STK17A: variants seen among roughly 807,000 people sequenced by gnomAD.
The protein encoded by STK17A is serine/threonine-protein kinase 17A.
A neutral mutation model predicts 43.7 loss-of-function variants in STK17A; 26 were observed. The ratio of observed to expected loss-of-function variants is 0.60; its 90% CI spans 0.44 to 0.83. The LOEUF (loss-of-function observed/expected upper bound fraction) is 0.83, where lower values mean the gene tolerates loss of function less well. Among genes scored for constraint, STK17A ranks in the 40% least tolerant of loss-of-function variants. STK17A has a pLI of 0.00. For synonymous variants in STK17A, 191 were observed against 182.5 expected (o/e 1.05, Z -0.38); for missense variants, 476 against 511.6 (o/e 0.93, Z 0.67).
intron 1 of STK17A, among the ~76,000 whole-genome samples, chr7:43,594,171 T>C (rs1319960215): frequency 6.6e-6 from 1 of 151,586 alleles, no homozygotes; most frequent in Non-Finnish European, 1.5e-5. Context: ...GGTGGGAGGA[T>C]CACTTGAGCC....
chr7:43,584,087 T>C (rs907552285), intron 1 of STK17A, among the ~76,000 whole-genome samples: 10 of 152,172 alleles, frequency 6.6e-5, no homozygotes, highest in Admixed American at 6.5e-4. Flanking sequence ...TGGGAACCGA[T>C]TCTTGCCTTC....
intron 1 of STK17A, among the ~76,000 whole-genome samples, chr7:43,593,122 T>C (rs565091941): frequency 6.6e-6 from 1 of 152,322 alleles, no homozygotes; most frequent in African/African-American, 2.4e-5. Flanking sequence ...TATGCCTGTG[T>C]ATCCATTTAG....
At chr7:43,599,302 C>T (rs1231263733) in intron 2 of STK17A, among the ~76,000 whole-genome samples, 1 of 152,166 alleles carries the variant, frequency 6.6e-6, no homozygotes, top group Admixed American at 6.5e-5. Flanking sequence ...TTAGATTTTT[C>T]ACCTGCATTT....
At chr7:43,592,503 C>T (rs1034587071) in intron 1 of STK17A, among the ~76,000 whole-genome samples, 13 of 151,974 alleles carry the variant, frequency 8.6e-5, no homozygotes, top group African/African-American at 3.1e-4. Context: ...GGAAGAATTA[C>T]TCAAAATTAT....
At chr7:43,587,613 G>T (rs574205712) in intron 1 of STK17A, among the ~76,000 whole-genome samples, 3 of 151,526 alleles carry the variant, frequency 2.0e-5, no homozygotes, top group South Asian at 4.2e-4. Flanking sequence ...TTCAGTTTTT[G>T]TATCTGACAA....
At chr7:43,610,819 CAAG>C (rs1563152533) in intron 3 of STK17A, among the ~76,000 whole-genome samples, 1 of 151,270 alleles carries the variant, frequency 6.6e-6, no homozygotes, top group Non-Finnish European at 1.5e-5. Flanking sequence ...GGCGCACTCT[CAAG>C]AAGGAGTGTA....
In STK17A at chr7:43,596,058, A is replaced by G. The variant is rs902934302; in HGVS notation, c.364A>G (p.Ile122Val). 6 of 1,613,492 alleles carry G rather than the reference A, an allele frequency of 3.7e-6. No individual in the cohort carries two copies. The Admixed American group carries it at 8.3e-5, about 22-fold the overall frequency. The part of the protein sequence containing the change: ...LELAQDNPWV[I>V]NLHEVYETAS... ...ACTAGCACAAGACAATCCTTGGGTC[A>G]TTAATTTACATGAAGTTTATGAGAC... The change falls in exon 2 of 7, where the codon ATT becomes GTT. Residue 122 changes from isoleucine (I) to valine (V), a missense_variant. Ile to Val is a conservative substitution (Grantham distance 29). This residue lies in a region of STK17A where 320 missense variants were observed against 326.3 expected (regional missense o/e 0.98). Coordinates refer to ENST00000319357, the MANE Select transcript of STK17A (RefSeq NM_004760.3).
rs1311403202 is a variant in STK17A, at chr7:43,591,605, A to G, written c.207-4296A>G. ...AAAGGTGGTGTCAGTGTAGTCATTG[A>G]TATGAAAGGAGAGCCGTGGGAACTG... On this transcript the variant is annotated intron_variant, in intron 1 of 6. Transcript: ENST00000319357. Among the ~76,000 whole-genome samples the G allele has an allele frequency of 2.6e-5, 4 of 151,690 alleles. No homozygotes were observed. In the East Asian group the frequency reaches 7.7e-4, roughly 29 times the overall value.
chr7:43,617,614 CTG>C (rs2083468883), intron 3 of STK17A, among the ~76,000 whole-genome samples: 1 of 152,098 alleles, frequency 6.6e-6, no homozygotes, highest in African/African-American at 2.4e-5. Flanking sequence ...AAATAGGAGT[CTG>C]TTTTTGGTCA....
chr7:43,583,137 G>T lies in STK17A; in HGVS notation c.-107G>T, dbSNP rs563211377. ...TCCGAGCGCCGCGCTGGGGAGAGCG[G>T]GTGTTTGAAGGCTCCGCGGACCGGC... On this transcript the variant is annotated 5_prime_UTR_variant, in exon 1 of 7. Transcript: ENST00000319357. The T allele has an allele frequency of 7.4e-6, 9 of 1,218,510 alleles. No individual in the cohort carries two copies. The South Asian group carries it at 1.2e-4, about 17-fold the overall frequency. 75.5% of individuals were successfully genotyped at this position (1,218,510 alleles called of 1,614,324 possible).
rs752426660 is a variant in STK17A, at chr7:43,583,460, G to C, written c.206+11G>C. The C allele has an allele frequency of 8.7e-5, 114 of 1,304,240 alleles. 2 individuals carry two copies. The African/African-American group carries it at 1.6e-3, about 18-fold the overall frequency. 80.8% of individuals were successfully genotyped at this position (1,304,240 alleles called of 1,614,324 possible). ...CCGGGAGCTGGGCAGGTGAGGACGG[G>C]CGGGGCCCGGCGCGGAACCTTCCCG... On this transcript the variant is annotated intron_variant, in intron 1 of 6. Coordinates refer to ENST00000319357, the MANE Select transcript of STK17A (RefSeq NM_004760.3).
At chr7:43,595,278 T>TTTG (rs2082507216) in intron 1 of STK17A, among the ~76,000 whole-genome samples, 1 of 146,198 alleles carries the variant, frequency 6.8e-6, no homozygotes, top group African/African-American at 2.6e-5. Flanking sequence ...TTTTTTTTTT[T>TTTG]TTTTTTTTTC....
intron 6 of STK17A, among the ~76,000 whole-genome samples, 171 bp downstream of exon 6, chr7:43,624,059 G>T (rs2084219569): frequency 6.6e-6 from 1 of 152,056 alleles, no homozygotes; most frequent in Non-Finnish European, 1.5e-5. Context: ...GAAACCCTTG[G>T]CTTAATATAA....
At chr7:43,603,049 T>G (rs1435434196) in intron 2 of STK17A, among the ~76,000 whole-genome samples, 1 of 152,204 alleles carries the variant, frequency 6.6e-6, no homozygotes, top group African/African-American at 2.4e-5. Flanking sequence ...TACAGTATAA[T>G]GAATTACCAA....
chr7:43,598,324 G>A (rs1312669623), intron 2 of STK17A, among the ~76,000 whole-genome samples: 1 of 151,988 alleles, frequency 6.6e-6, no homozygotes, highest in Non-Finnish European at 1.5e-5. Context: ...CAAAAAATTA[G>A]CTGGACATGG....
chr7:43,598,781 T>G (rs1346829671), intron 2 of STK17A, among the ~76,000 whole-genome samples: 1 of 151,936 alleles, frequency 6.6e-6, no homozygotes, highest in Non-Finnish European at 1.5e-5. Flanking sequence ...TTTTTTTTTT[T>G]GAGACGGAGT....
Position 43,583,215 on chromosome 7 carries a change from C to A in STK17A, c.-29C>A, listed in dbSNP as rs1161147536. 1 of 1,553,674 alleles carries A rather than the reference C, an allele frequency of 6.4e-7. No homozygotes were observed. The highest frequency in any genetic ancestry group is 2.7e-5 in the East Asian group (1 of 37,292). ...CCTCCGGCTGCTCGGAGTGAACAGG[C>A]GGCCAGGAAAGAAGCGGGCCTGAAC... On this transcript the variant is annotated 5_prime_UTR_variant, in exon 1 of 7. Transcript: ENST00000319357.
chr7:43,583,535 C>G, intron 1 of STK17A, 86 bp downstream of exon 1: 1 of 1,137,322 alleles, frequency 8.8e-7, no homozygotes, highest in Non-Finnish European at 1.1e-6. Context: ...GCCGCGGCGG[C>G]GAGGCTGAAG....
At position 43,596,069 on chromosome 7, in the gene STK17A, TGAA is replaced by T; in HGVS notation, c.377_379del (p.Glu126del). The stretch of plus-strand genomic sequence containing the variant: ...ACAATCCTTGGGTCATTAATTTACA[TGAA>T]GTTTATGAGACTGCATCAGAAATGA... On this transcript the variant is annotated inframe_deletion, in exon 2 of 7. Coordinates refer to ENST00000319357, the MANE Select transcript of STK17A (RefSeq NM_004760.3). 1 of 1,613,402 alleles carries T rather than the reference TGAA, an allele frequency of 6.2e-7. No individual in the cohort carries two copies. Among genetic ancestry groups the T allele is most frequent in the Non-Finnish European group, 8.5e-7 (1 of 1,179,752 alleles).
Sources: gnomAD v4.1 joint callset for allele counts (sites outside exome capture counted in the v4.1 genomes callset) on GRCh38, gnomAD v4.1.1 for gene constraint, gnomAD v4.1.1 regional missense constraint, MANE v1.5 for transcripts, NCBI Gene and HGNC (gene_info 2026-07-23, HGNC 2026-07-21) for gene names.